The following SIPA1L1 variants were observed in gnomAD, a reference collection of about 807,000 sequenced individuals.
SIPA1L1 encodes the protein signal-induced proliferation-associated 1-like protein 1.
A neutral mutation model predicts 162.7 loss-of-function variants in SIPA1L1; 26 were observed. The observed-to-expected ratio is 0.16, with a 90% confidence interval of 0.12 to 0.22. SIPA1L1 has a LOEUF of 0.22. Among genes scored for constraint, SIPA1L1 ranks in the 10% least tolerant of loss-of-function variants. The pLI, the probability that SIPA1L1 is intolerant of heterozygous loss-of-function variation, is 1.00. For synonymous variants in SIPA1L1, 829 were observed against 837.4 expected (o/e 0.99, Z 0.17); for missense variants, 1,874 against 2,241.0 (o/e 0.84, Z 3.31).
At chr14:71,485,944 C>T (rs2048721351) in intron 2 of SIPA1L1, among the ~76,000 whole-genome samples, 1 of 152,158 alleles carries the variant, frequency 6.6e-6, no homozygotes, top group African/African-American at 2.4e-5. Context: ...CCTATACACC[C>T]TCTCTCCAGA....
chr14:71,725,985 C>T (rs1315331681), intron 19 of SIPA1L1, among the ~76,000 whole-genome samples: 2 of 152,172 alleles, frequency 1.3e-5, no homozygotes, highest in Non-Finnish European at 1.5e-5. Context: ...GGTGGAGCAG[C>T]TGTGTGGGGC....
chr14:71,364,704 C>T (rs1310716388), intron 2 of SIPA1L1, among the ~76,000 whole-genome samples: 1 of 152,018 alleles, frequency 6.6e-6, no homozygotes, highest in Non-Finnish European at 1.5e-5. Context: ...TGCTGAGAAC[C>T]TCTGGCCTAC....
At chr14:71,413,824 T>A in intron 2 of SIPA1L1, 1 of 152,236 alleles carries the variant, frequency 6.6e-6, no homozygotes, top group East Asian at 1.9e-4. Flanking sequence ...GTATAAAATT[T>A]CATAATTGTG....
At chr14:71,417,475 A>AAAAAAAAAAAAAAAAAAAC (rs1380312424) in intron 2 of SIPA1L1, among the ~76,000 whole-genome samples, 1 of 122,352 alleles carries the variant, frequency 8.2e-6, no homozygotes, top group Non-Finnish European at 1.8e-5. Flanking sequence ...GTCTCAAAAA[A>AAAAAAAAAAAAAAAAAAAC]AAAAAAAAAA....
intron 3 of SIPA1L1, among the ~76,000 whole-genome samples, chr14:71,515,809 T>G (rs2051665347): frequency 6.6e-6 from 1 of 151,970 alleles, no homozygotes; most frequent in Non-Finnish European, 1.5e-5. Flanking sequence ...AGCTAATTTT[T>G]TTGTTGTTGT....
intron 2 of SIPA1L1, among the ~76,000 whole-genome samples, chr14:71,325,061 T>G (rs970373491): frequency 8.5e-5 from 13 of 152,186 alleles, no homozygotes; most frequent in Non-Finnish European, 1.8e-4. Context: ...CCGGGAGAGA[T>G]AAGCATTGTG....
intron 2 of SIPA1L1, among the ~76,000 whole-genome samples, chr14:71,492,702 C>G (rs933943123): frequency 4.6e-5 from 7 of 152,036 alleles, no homozygotes; most frequent in Admixed American, 4.6e-4. Flanking sequence ...ATGGTTCACT[C>G]CAGCCTCAAT....
At chr14:71,549,615 G>T (rs1358389578) in intron 4 of SIPA1L1, among the ~76,000 whole-genome samples, 6 of 152,096 alleles carry the variant, frequency 3.9e-5, no homozygotes, top group Non-Finnish European at 8.8e-5. Context: ...CACATTGTAC[G>T]AATCCCAGAG....
chr14:71,655,420 T>G (rs1477900117), intron 8 of SIPA1L1, among the ~76,000 whole-genome samples: 1 of 152,208 alleles, frequency 6.6e-6, no homozygotes, highest in Non-Finnish European at 1.5e-5. Context: ...TGAACAGTGC[T>G]GCAATAAACA....
rs770040797 is a variant in SIPA1L1 at position 71,417,668 on chromosome 14, AG to A, written c.-464-95073del. The stretch of plus-strand genomic sequence containing the variant: ...GCAGAGGTGGAGGAGGAGGAAGGGG[AG>A]GCAGGAGAGGCAGGCACACTTGGTG... On this transcript the variant is annotated intron_variant, in intron 2 of 23. Transcript: ENST00000381232. Among the ~76,000 whole-genome samples, 63 of 151,818 alleles carry A rather than the reference AG, an allele frequency of 4.1e-4. 1 individual carries two copies. The highest frequency in any genetic ancestry group is 6.8e-3 in the Middle Eastern group (2 of 294).
At chr14:71,360,280 T>A (rs2037681345) in intron 2 of SIPA1L1, among the ~76,000 whole-genome samples, 1 of 152,210 alleles carries the variant, frequency 6.6e-6, no homozygotes. Flanking sequence ...AAAGATATAT[T>A]TGACCTTTAG....
intron 2 of SIPA1L1, among the ~76,000 whole-genome samples, chr14:71,479,336 G>GTAT (rs2048143546): frequency 1.3e-4 from 19 of 148,332 alleles, no homozygotes; most frequent in South Asian, 4.3e-4. Context: ...TGTGTATGTA[G>GTAT]GTATGTATGT....
chr14:71,330,757 A>G (rs2034433920), intron 2 of SIPA1L1: 12 of 800,646 alleles, frequency 1.5e-5, no homozygotes, highest in Middle Eastern at 3.5e-4. Flanking sequence ...CTGGCTGTCT[A>G]TCTCGGGCAA....
intron 2 of SIPA1L1, among the ~76,000 whole-genome samples, chr14:71,372,898 C>G (rs192273085): frequency 1.3e-5 from 2 of 152,216 alleles, no homozygotes; most frequent in East Asian, 3.9e-4. Flanking sequence ...TGAGTGTTTT[C>G]TTAGGTATAT....
rs1410534587 is a variant in SIPA1L1 at position 71,709,228 on chromosome 14, A to G, written c.3772A>G (p.Ser1258Gly). 2.5e-6 allele frequency: 4 copies of G among 1,609,540 alleles called. No homozygotes were observed. The highest frequency in any genetic ancestry group is 3.4e-6 in the Non-Finnish European group (4 of 1,176,990). ...LSPNKQGHSDSHYSSHSSSNT... is the reference protein window; with the variant it reads ...LSPNKQGHSDGHYSSHSSSNT... ...AATTCTGCTTCTCTTGCAGTCTGAT[A>G]GCCACTACTCGAGCCACTCCAGTAG... The change falls in exon 17 of 24, where the codon AGC (serine) becomes GGC (glycine). Residue 1258 changes from serine (S) to glycine (G), a missense_variant. This residue lies in a region of SIPA1L1 where 936 missense variants were observed against 1,051.9 expected (regional missense o/e 0.89). Coordinates refer to ENST00000381232, the MANE Select transcript of SIPA1L1 (RefSeq NM_001386936.1).
intron 2 of SIPA1L1, among the ~76,000 whole-genome samples, chr14:71,479,187 G>A (rs1371462313): frequency 2.0e-5 from 3 of 152,066 alleles, no homozygotes; most frequent in Non-Finnish European, 2.9e-5. Flanking sequence ...TAATCAGCCT[G>A]CTATCGTTTA....
rs149756320 is a variant in SIPA1L1, at chr14:71,390,866, C to T, written c.-465+69685C>T. Among the ~76,000 whole-genome samples, 311 of 152,214 alleles carry T rather than the reference C, an allele frequency of 2.0e-3. 2 individuals carry two copies. Among genetic ancestry groups the T allele is most frequent in the Admixed American group, 0.017 (260 of 15,286 alleles). On this transcript the variant is annotated intron_variant, in intron 2 of 23. Coordinates refer to ENST00000381232, the MANE Select transcript of SIPA1L1 (RefSeq NM_001386936.1). ...CTTCCTCCACGACACCTTTTCTCCACAGAGGAAGTGAAAAAAATCTCCACT... is the reference window on the plus strand; with the variant it reads ...CTTCCTCCACGACACCTTTTCTCCATAGAGGAAGTGAAAAAAATCTCCACT...
intron 2 of SIPA1L1, among the ~76,000 whole-genome samples, chr14:71,367,483 A>AT (rs2038430904): frequency 1.4e-5 from 2 of 142,484 alleles, no homozygotes; most frequent in African/African-American, 5.3e-5. Flanking sequence ...ATTTTTTTGT[A>AT]TTTTTTACTG....
intron 2 of SIPA1L1, among the ~76,000 whole-genome samples, chr14:71,407,736 C>T (rs1261362193): frequency 6.6e-6 from 1 of 152,102 alleles, no homozygotes; most frequent in Non-Finnish European, 1.5e-5. Flanking sequence ...TATTTTTATA[C>T]CATTTTGTAT....
Sources: allele counts gnomAD v4.1 joint callset (sites outside exome capture counted in the v4.1 genomes callset), GRCh38; gene constraint gnomAD v4.1.1; regional missense constraint gnomAD v4.1.1; transcripts MANE v1.5; gene names NCBI Gene and HGNC (gene_info 2026-07-23, HGNC 2026-07-21).